EYA2: variants seen among roughly 807,000 people sequenced by gnomAD.
EYA2 encodes EYA transcriptional coactivator and phosphatase 2.
In EYA2, 31 loss-of-function variants were observed where a neutral mutation model predicts 69.2. That is an observed-to-expected ratio of 0.45 (90% confidence interval 0.34 to 0.60). The LOEUF (loss-of-function observed/expected upper bound fraction) is 0.60, where lower values mean the gene tolerates loss of function less well. Ranked by LOEUF, EYA2 falls within the 20% of genes least tolerant of loss-of-function variation. The pLI, the probability that EYA2 is intolerant of heterozygous loss-of-function variation, is 0.02. For synonymous variants in EYA2, 257 were observed against 279.4 expected, an observed-to-expected ratio of 0.92 and a Z score of 0.80; for missense variants, 622 against 701.2, an observed-to-expected ratio of 0.89 and a Z score of 1.28.
intron 9 of EYA2, among the ~76,000 whole-genome samples, chr20:47,097,815 C>A (rs1600707063): frequency 6.6e-6 from 1 of 152,220 alleles, no homozygotes; most frequent in Non-Finnish European, 1.5e-5. Context: ...CCATGGGCTA[C>A]TGAACAGACG....
At chr20:46,971,108 T>TG (rs1980118602) in intron 1 of EYA2, among the ~76,000 whole-genome samples, 1 of 126,204 alleles carries the variant, frequency 7.9e-6, no homozygotes, top group Non-Finnish European at 1.7e-5. Flanking sequence ...CACACACACA[T>TG]GCACACACAC....
chr20:47,038,460 C>T (rs1035215969), intron 5 of EYA2, among the ~76,000 whole-genome samples: 2 of 152,170 alleles, frequency 1.3e-5, no homozygotes, highest in African/African-American at 2.4e-5. Flanking sequence ...CATGGCACTC[C>T]AGCCTGGGTG....
intron 1 of EYA2, among the ~76,000 whole-genome samples, chr20:46,925,334 C>T (rs1203680188): frequency 6.6e-6 from 1 of 152,252 alleles, no homozygotes; most frequent in East Asian, 1.9e-4. Context: ...TCATGACTGG[C>T]CCTATGTAAA....
At chr20:46,926,752 C>A (rs1166913470) in intron 1 of EYA2, among the ~76,000 whole-genome samples, 2 of 152,146 alleles carry the variant, frequency 1.3e-5, no homozygotes, top group Non-Finnish European at 2.9e-5. Context: ...GAGACTTTTC[C>A]ACTATATCTC....
chr20:47,099,713 G>A lies in EYA2; in HGVS notation c.888+2545G>A, dbSNP rs544400129. On this transcript the variant is annotated intron_variant, in intron 9 of 15. Coordinates refer to ENST00000327619, the MANE Select transcript of EYA2 (RefSeq NM_005244.5). ...TAAGTTAAATCCTACTTATCTTTCAGTTCTCATTTAAAACGTAGCTTCCTC... is the reference window on the plus strand; with the variant it reads ...TAAGTTAAATCCTACTTATCTTTCAATTCTCATTTAAAACGTAGCTTCCTC... Among the ~76,000 whole-genome samples the A allele has an allele frequency of 1.3e-3, 199 of 152,284 alleles. 1 individual carries two copies. Among genetic ancestry groups the A allele is most frequent in the African/African-American group, 4.7e-3 (195 of 41,560 alleles).
chr20:47,036,341 A>G (rs962089219), intron 5 of EYA2, among the ~76,000 whole-genome samples: 1 of 152,222 alleles, frequency 6.6e-6, no homozygotes, highest in African/African-American at 2.4e-5. Context: ...AAACTCCCTG[A>G]TGAACAAAGT....
At chr20:47,082,616 G>C (rs1258584719) in intron 7 of EYA2, among the ~76,000 whole-genome samples, 2 of 152,188 alleles carry the variant, frequency 1.3e-5, no homozygotes, top group Non-Finnish European at 2.9e-5. Context: ...TCGTGAATCA[G>C]AAGACTTAAT....
rs147060102 is a variant in EYA2 at position 47,012,644 on chromosome 20, C to G, written c.299-3537C>G. Among the ~76,000 whole-genome samples, 205 of 152,270 alleles carry G rather than the reference C, an allele frequency of 1.3e-3. 2 individuals carry two copies. In the East Asian group the frequency reaches 0.019, roughly 14 times the overall value. On this transcript the variant is annotated intron_variant, in intron 4 of 15. Transcript: ENST00000327619. ...GAGTAGCTGGGATTAGAGGTGTGCA[C>G]CACCACACCCAGTTAATTTTTGTAT...
chr20:47,139,015 T>A (rs1451443940), intron 9 of EYA2, among the ~76,000 whole-genome samples: 1 of 152,248 alleles, frequency 6.6e-6, no homozygotes, highest in Non-Finnish European at 1.5e-5. Context: ...TTTTGATGTG[T>A]CCCTGTTAAT....
intron 9 of EYA2, among the ~76,000 whole-genome samples, chr20:47,119,580 C>T (rs899197673): frequency 6.6e-6 from 1 of 152,186 alleles, no homozygotes; most frequent in Non-Finnish European, 1.5e-5. Flanking sequence ...ATTTGTATGA[C>T]TGTTTATATG....
intron 4 of EYA2, among the ~76,000 whole-genome samples, chr20:47,015,202 CTT>C (rs1340781983): frequency 2.0e-5 from 3 of 152,168 alleles, no homozygotes; most frequent in East Asian, 3.8e-4. Flanking sequence ...GGAAGAGACT[CTT>C]TGCTTTATGC....
intron 2 of EYA2, among the ~76,000 whole-genome samples, chr20:46,994,348 A>G (rs1191837670): frequency 6.6e-6 from 1 of 152,218 alleles, no homozygotes; most frequent in African/African-American, 2.4e-5. Flanking sequence ...AATTGATTGT[A>G]TCCTGTCTCT....
intron 1 of EYA2, among the ~76,000 whole-genome samples, chr20:46,955,509 A>C (rs1979067466): frequency 6.6e-6 from 1 of 152,250 alleles, no homozygotes; most frequent in South Asian, 2.1e-4. Flanking sequence ...AAAGTAATTA[A>C]CATGCTTATC....
chr20:47,038,833 C>A (rs1315347414), intron 5 of EYA2, among the ~76,000 whole-genome samples: 1 of 152,102 alleles, frequency 6.6e-6, no homozygotes, highest in Non-Finnish European at 1.5e-5. Context: ...ACTTTAGATA[C>A]CTCACGTAAG....
intron 1 of EYA2, among the ~76,000 whole-genome samples, chr20:46,953,065 T>C (rs1978899844): frequency 6.6e-6 from 1 of 152,222 alleles, no homozygotes; most frequent in South Asian, 2.1e-4. Flanking sequence ...AAATCTATCT[T>C]TAAAAATACT....
chr20:47,066,742 T>C (rs1466965957), intron 5 of EYA2, among the ~76,000 whole-genome samples: 1 of 152,242 alleles, frequency 6.6e-6, no homozygotes, highest in Non-Finnish European at 1.5e-5. Context: ...AAACAGATTC[T>C]ATTAATATGA....
chr20:47,183,374 G>C lies in EYA2; in HGVS notation c.1519G>C (p.Glu507Gln), dbSNP rs137929907. 5.4e-4 allele frequency: 864 copies of C among 1,614,060 alleles called. 1 individual carries two copies. The highest frequency in any genetic ancestry group is 6.6e-4 in the Non-Finnish European group (778 of 1,179,986). Residue 507 changes from glutamate to glutamine, a missense_variant, in exon 15 of 16, where the codon GAG becomes CAG. By Grantham distance (29) the Glu-to-Gln change is conservative (BLOSUM62 2). Around this residue, in one of 2 missense-constraint regions of EYA2, gnomAD observed 257 missense variants for 351.5 expected, o/e 0.73. Transcript: ENST00000327619. ...YVVIGDGVEEEQGAKKHNMPF... is the reference protein window; with the variant it reads ...YVVIGDGVEEQQGAKKHNMPF... ...GGTGATCGGTGATGGTGTGGAAGAG[G>C]AGCAAGGAGCGAAAAAGGTACTTCT...
intron 9 of EYA2, among the ~76,000 whole-genome samples, chr20:47,125,675 C>G (rs1206823): frequency 0.015 from 2,214 of 152,280 alleles, 50 homozygotes; most frequent in African/African-American, 0.049. Flanking sequence ...GTGTGTTAAT[C>G]CATTCCTGAC....
intron 10 of EYA2, among the ~76,000 whole-genome samples, chr20:47,164,837 A>G (rs1327231090): frequency 2.0e-5 from 3 of 152,184 alleles, no homozygotes; most frequent in Non-Finnish European, 4.4e-5. Flanking sequence ...GACATCCCCC[A>G]AGTTTACATA....
Sources: allele counts gnomAD v4.1 joint callset (sites outside exome capture counted in the v4.1 genomes callset), GRCh38; gene constraint gnomAD v4.1.1; regional missense constraint gnomAD v4.1.1; transcripts MANE v1.5; gene names NCBI Gene and HGNC (gene_info 2026-07-23, HGNC 2026-07-21).